Variants in EXTL2 observed in about 807,000 individuals in gnomAD.
EXTL2 encodes the protein exostosin like glycosyltransferase 2.
A neutral mutation model predicts 30.7 loss-of-function variants in EXTL2; 23 were observed. The ratio of observed to expected loss-of-function variants is 0.75; its 90% confidence interval spans 0.54 to 1.06. The LOEUF (loss-of-function observed/expected upper bound fraction) is 1.06, where lower values mean the gene tolerates loss of function less well. EXTL2 is among the 50% of genes least tolerant of loss of function. The pLI is 0.00. For synonymous variants in EXTL2, 123 were observed against 133.8 expected, an observed-to-expected ratio of 0.92 and a Z score of 0.56; for missense variants, 352 against 396.3, an observed-to-expected ratio of 0.89 and a Z score of 0.95.
chr1:100,881,836 A>T (rs1649581343), intron 2 of EXTL2, among the ~76,000 whole-genome samples: 1 of 152,210 alleles, frequency 6.6e-6, no homozygotes, highest in Non-Finnish European at 1.5e-5. Flanking sequence ...CTTCTACACC[A>T]GAGGTCCCCA....
intron 2 of EXTL2, among the ~76,000 whole-genome samples, chr1:100,880,013 G>A (rs1649435888): frequency 6.6e-6 from 1 of 152,068 alleles, no homozygotes; most frequent in African/African-American, 2.4e-5. Context: ...GTTTTTCACT[G>A]AGGAGACTTG....
Position 100,874,244 on chromosome 1 carries a change from C to T in EXTL2, c.691G>A (p.Ala231Thr). Residue 231 changes from alanine (A) to threonine (T), a missense_variant, in exon 5 of 5, where the codon GCA (alanine) becomes ACA (threonine). By Grantham distance (58) the Ala-to-Thr change is moderately conservative. Transcript: ENST00000370114. The part of the protein sequence containing the change: ...KYLELFQRQP[A>T]AVHALIDDTQ... ...TCATCTATCAAAGCATGGACAGCTG[C>T]AGGTTGCCTCTGAAATAATTCAAGA... 6.2e-7 allele frequency: 1 copy of T among 1,612,794 alleles called. No homozygotes were observed. Among genetic ancestry groups the T allele is most frequent in the Non-Finnish European group, 8.5e-7 (1 of 1,179,356 alleles).
chr1:100,889,625 G>C (rs1174840209), intron 1 of EXTL2, among the ~76,000 whole-genome samples: 1 of 152,114 alleles, frequency 6.6e-6, no homozygotes, highest in East Asian at 1.9e-4. Context: ...GGGGATATAG[G>C]CATTGGAAAA....
intron 2 of EXTL2, among the ~76,000 whole-genome samples, chr1:100,881,598 G>C (rs1157815503): frequency 6.6e-6 from 1 of 152,120 alleles, no homozygotes; most frequent in South Asian, 2.1e-4. Flanking sequence ...GGATCTGACA[G>C]CTCTTAGTCT....
chr1:100,874,870 T>C (rs1009022227), intron 4 of EXTL2, among the ~76,000 whole-genome samples: 5 of 152,094 alleles, frequency 3.3e-5, no homozygotes, highest in Non-Finnish European at 4.4e-5. Context: ...TGTGTGATTG[T>C]CTCTTTTTCA....
At chr1:100,889,382 A>G (rs139428683) in intron 1 of EXTL2, among the ~76,000 whole-genome samples, 178 of 152,302 alleles carry the variant, frequency 1.2e-3, no homozygotes, top group African/African-American at 3.4e-3. Context: ...GGGGATTACA[A>G]TTCAAAATGA....
intron 2 of EXTL2, among the ~76,000 whole-genome samples, chr1:100,881,431 G>A (rs1649549428): frequency 6.6e-6 from 1 of 152,202 alleles, no homozygotes; most frequent in Non-Finnish European, 1.5e-5. Flanking sequence ...AAACACATCT[G>A]GATGACCTAT....
At chr1:100,886,251 T>C (rs1649960263) in intron 2 of EXTL2, among the ~76,000 whole-genome samples, 1 of 152,236 alleles carries the variant, frequency 6.6e-6, no homozygotes. Context: ...CTGAAACAAT[T>C]GCTAAAATAT....
intron 2 of EXTL2, among the ~76,000 whole-genome samples, chr1:100,879,136 C>G (rs1649367700): frequency 6.6e-6 from 1 of 152,170 alleles, no homozygotes; most frequent in Non-Finnish European, 1.5e-5. Context: ...ATGCCTAAAA[C>G]TCTTATTCCC....
rs755750928 is a variant in EXTL2 at position 100,888,704 on chromosome 1, T to C, written c.5+49A>G. 3 of 1,030,866 alleles carry C rather than the reference T, an allele frequency of 2.9e-6. No homozygotes were observed. The Admixed American group carries it at 6.1e-5, about 21-fold the overall frequency. 63.9% of individuals were successfully genotyped at this position (1,030,866 alleles called of 1,614,324 possible). Reference sequence around the variant, plus strand: ...CGTTAAGGTGATAAATTTTGTGTTATACGTATTTTACAACAGTTAAACAAA... The same window carrying C: ...CGTTAAGGTGATAAATTTTGTGTTACACGTATTTTACAACAGTTAAACAAA... On this transcript the variant is annotated intron_variant, in intron 2 of 4. Transcript: ENST00000370114.
intron 1 of EXTL2, among the ~76,000 whole-genome samples, chr1:100,894,047 A>G (rs1250159599): frequency 6.6e-6 from 1 of 152,174 alleles, no homozygotes; most frequent in Non-Finnish European, 1.5e-5. Flanking sequence ...AAAATATAGG[A>G]CTTATTTTCA....
Position 100,874,381 on chromosome 1 carries a change from G to A in EXTL2, c.554C>T (p.Thr185Ile). The A allele has an allele frequency of 6.2e-7, 1 of 1,609,268 alleles. No individual in the cohort carries two copies. The highest frequency in any genetic ancestry group is 1.1e-5 in the South Asian group (1 of 90,032). The stretch of plus-strand genomic sequence containing the variant: ...TCCATAACTGTAGATACCTGATGAA[G>A]TAGAGACGTGCTTTCTAGGAACAAA... ...VGFVPRKHVS[T>I]SSGIYSYGSF... The change falls in exon 5 of 5, where the codon ACT becomes ATT. Residue 185 changes from threonine to isoleucine, a missense_variant. Physicochemically the swap from Thr to Ile is moderately conservative, Grantham distance 89 (BLOSUM62 -1). Transcript: ENST00000370114.
intron 2 of EXTL2, among the ~76,000 whole-genome samples, chr1:100,886,781 C>T (rs138182710): frequency 4.6e-4 from 70 of 152,288 alleles, no homozygotes; most frequent in African/African-American, 1.6e-3. Context: ...TTTCAAACTG[C>T]GCAGGTCTGA....
At chr1:100,892,300 C>T (rs1016458110) in intron 1 of EXTL2, among the ~76,000 whole-genome samples, 5 of 152,164 alleles carry the variant, frequency 3.3e-5, no homozygotes, top group African/African-American at 1.2e-4. Flanking sequence ...GTGGGAGAAG[C>T]TGACTTGCTG....
chr1:100,878,474 C>A (rs1215173859), intron 2 of EXTL2: 12 of 470,566 alleles, frequency 2.6e-5, no homozygotes, highest in Non-Finnish European at 5.3e-5. Flanking sequence ...TAATGAGATA[C>A]AAAAGGTGTC....
chr1:100,879,746 G>T (rs1649418415), intron 2 of EXTL2, among the ~76,000 whole-genome samples: 1 of 152,034 alleles, frequency 6.6e-6, no homozygotes, highest in Non-Finnish European at 1.5e-5. Flanking sequence ...GTATAACACT[G>T]CCTCTGTACA....
At chr1:100,890,034 C>G (rs978687817) in intron 1 of EXTL2, among the ~76,000 whole-genome samples, 3 of 152,256 alleles carry the variant, frequency 2.0e-5, no homozygotes, top group Non-Finnish European at 2.9e-5. Flanking sequence ...CCCTTCCACA[C>G]TGCCCTAGCA....
At chr1:100,889,467 A>G (rs1650242749) in intron 1 of EXTL2, among the ~76,000 whole-genome samples, 1 of 152,148 alleles carries the variant, frequency 6.6e-6, no homozygotes, top group African/African-American at 2.4e-5. Flanking sequence ...AAACACAATC[A>G]TGCCTTCCCA....
Position 100,876,733 on chromosome 1 carries a change from G to A in EXTL2, c.504+61C>T, listed in dbSNP as rs374366365. The A allele has an allele frequency of 4.2e-4, 460 of 1,092,774 alleles. 1 individual carries two copies. The highest frequency in any genetic ancestry group is 1.6e-3 in the Middle Eastern group (8 of 4,956). 67.7% of individuals were successfully genotyped at this position (1,092,774 alleles called of 1,614,324 possible). A position where few individuals can be genotyped will look rare whatever the true frequency, so the allele number is the denominator to read the frequency against. ...TAACTTCTATATTAACCATGTTGCC[G>A]TGGTTAAGTACTAGTCAAGATCTTA... On this transcript the variant is annotated intron_variant, in intron 4 of 4. Coordinates refer to ENST00000370114, the MANE Select transcript of EXTL2 (RefSeq NM_001033025.3).
Sources: allele counts gnomAD v4.1 joint callset (sites outside exome capture counted in the v4.1 genomes callset), GRCh38; gene constraint gnomAD v4.1.1; transcripts MANE v1.5; gene names NCBI Gene and HGNC (gene_info 2026-07-23, HGNC 2026-07-21).